The following COLGALT2 variants were observed in gnomAD, a reference collection of about 807,000 sequenced individuals.
The protein encoded by COLGALT2 is procollagen galactosyltransferase 2.
COLGALT2 carries 49 observed loss-of-function variants against 73.4 expected under a neutral mutation model. The observed-to-expected ratio is 0.67, with a 90% CI of 0.53 to 0.85. The LOEUF (loss-of-function observed/expected upper bound fraction) is 0.85, where lower values mean the gene tolerates loss of function less well. Ranked by LOEUF, COLGALT2 falls within the 40% of genes least tolerant of loss-of-function variation. The pLI is 0.00. For missense variants in COLGALT2, 722 were observed against 790.2 expected (o/e 0.91, Z 1.03); for synonymous variants, 295 against 307.6 (o/e 0.96, Z 0.43).
intron 5 of COLGALT2, among the ~76,000 whole-genome samples, chr1:183,967,777 C>T (rs1670921037): frequency 6.6e-6 from 1 of 152,192 alleles, no homozygotes; most frequent in African/African-American, 2.4e-5. Flanking sequence ...GCTTCCCATC[C>T]TGGGGAAGTC....
chr1:183,987,996 A>G lies in COLGALT2; in HGVS notation c.264-9476T>C, dbSNP rs1558327060. Among the ~76,000 whole-genome samples the G allele has an allele frequency of 2.0e-5, 3 of 152,180 alleles. No homozygotes were observed. In the South Asian group the frequency reaches 6.2e-4, roughly 31 times the overall value. ...TGGAAATCAACATAAAAAACACATT[A>G]TTTCATCTCTTAATAGCCCAGGTCC... is the stretch of plus-strand genomic sequence containing the variant. On this transcript the variant is annotated intron_variant, in intron 1 of 11. Coordinates refer to ENST00000361927, the MANE Select transcript of COLGALT2 (RefSeq NM_015101.4).
intron 6 of COLGALT2, among the ~76,000 whole-genome samples, chr1:183,961,677 T>C (rs918753294): frequency 2.6e-5 from 4 of 152,244 alleles, no homozygotes; most frequent in African/African-American, 9.6e-5. Flanking sequence ...ATTCTCGCTT[T>C]GGGTTCAGTG....
chr1:184,001,068 C>T (rs1013485339), intron 1 of COLGALT2, among the ~76,000 whole-genome samples: 3 of 152,060 alleles, frequency 2.0e-5, no homozygotes, highest in African/African-American at 7.2e-5. Context: ...CTCCTGACCT[C>T]GTGATCCGTC....
intron 4 of COLGALT2, among the ~76,000 whole-genome samples, chr1:183,971,382 A>G (rs946757581): frequency 6.6e-6 from 1 of 152,352 alleles, no homozygotes. Flanking sequence ...TGTACAAAAC[A>G]AGTGAGCACA....
chr1:183,950,775 A>G (rs1419408916), intron 8 of COLGALT2, among the ~76,000 whole-genome samples: 1 of 152,192 alleles, frequency 6.6e-6, no homozygotes, highest in African/African-American at 2.4e-5. Flanking sequence ...ATCACATCCA[A>G]TGTGAGCCTT....
intron 8 of COLGALT2, among the ~76,000 whole-genome samples, chr1:183,949,509 G>A (rs1670339002): frequency 1.3e-5 from 2 of 152,126 alleles, no homozygotes; most frequent in South Asian, 4.1e-4. Context: ...ATGGTGAAGG[G>A]ACAAATGGAT....
intron 1 of COLGALT2, among the ~76,000 whole-genome samples, chr1:183,998,786 G>T (rs1268947495): frequency 6.6e-6 from 1 of 150,920 alleles, no homozygotes; most frequent in Non-Finnish European, 1.5e-5. Context: ...ATTTTTGTTA[G>T]ATTTATTCTT....
chr1:184,015,151 G>A (rs1264881437), intron 1 of COLGALT2, among the ~76,000 whole-genome samples: 1 of 151,968 alleles, frequency 6.6e-6, no homozygotes. Flanking sequence ...ATTGGTCCAC[G>A]CTAGAAGGAA....
intron 1 of COLGALT2, among the ~76,000 whole-genome samples, chr1:184,032,329 T>A (rs889802641): frequency 6.6e-6 from 1 of 152,202 alleles, no homozygotes; most frequent in Non-Finnish European, 1.5e-5. Context: ...AGGAAAAGAT[T>A]CAAAAGAAAT....
chr1:183,942,822 T>C (rs1284099475), intron 10 of COLGALT2, among the ~76,000 whole-genome samples: 1 of 152,244 alleles, frequency 6.6e-6, no homozygotes, highest in Admixed American at 6.5e-5. Context: ...TGTTCTTCCT[T>C]CTTGCATCTG....
chr1:183,995,361 T>C (rs1289597270), intron 1 of COLGALT2, among the ~76,000 whole-genome samples: 2 of 152,236 alleles, frequency 1.3e-5, no homozygotes, highest in Non-Finnish European at 2.9e-5. Flanking sequence ...AAAACACATA[T>C]AGTCATGTCT....
At chr1:183,996,320 T>C (rs1298921131) in intron 1 of COLGALT2, among the ~76,000 whole-genome samples, 1 of 152,196 alleles carries the variant, frequency 6.6e-6, no homozygotes, top group Non-Finnish European at 1.5e-5. Context: ...GCTGAAGTGA[T>C]AATGTTTAGA....
chr1:184,022,526 T>C (rs1231883378), intron 1 of COLGALT2, among the ~76,000 whole-genome samples: 1 of 152,172 alleles, frequency 6.6e-6, no homozygotes, highest in Non-Finnish European at 1.5e-5. Context: ...CTCCAAAAAA[T>C]CAATTCAGGA....
At chr1:184,031,999 C>A (rs1649529018) in intron 1 of COLGALT2, among the ~76,000 whole-genome samples, 1 of 141,654 alleles carries the variant, frequency 7.1e-6, no homozygotes, top group African/African-American at 2.6e-5. Flanking sequence ...TAGGTTCAAG[C>A]AATCCACCCA....
intron 1 of COLGALT2, among the ~76,000 whole-genome samples, chr1:184,028,839 G>C (rs1256794312): frequency 2.0e-5 from 3 of 152,190 alleles, no homozygotes; most frequent in Non-Finnish European, 2.9e-5. Context: ...GAGGGAAGGA[G>C]ATTATTTTGC....
At chr1:183,952,344 C>A (rs1264806620) in intron 7 of COLGALT2, among the ~76,000 whole-genome samples, 5 of 152,126 alleles carry the variant, frequency 3.3e-5, no homozygotes, top group African/African-American at 1.2e-4. Context: ...ATCTGGATGA[C>A]TTTGAGGAGA....
At chr1:183,949,857 A>G (rs1470882283) in intron 8 of COLGALT2, among the ~76,000 whole-genome samples, 1 of 152,204 alleles carries the variant, frequency 6.6e-6, no homozygotes, top group Non-Finnish European at 1.5e-5. Context: ...TGCATCCAGG[A>G]TATATAAAGA....
intron 1 of COLGALT2, among the ~76,000 whole-genome samples, chr1:184,007,670 G>A (rs1672121806): frequency 6.6e-6 from 1 of 152,164 alleles, no homozygotes; most frequent in Admixed American, 6.5e-5. Context: ...CCTGGGGACT[G>A]CAGCTGCTCC....
intron 6 of COLGALT2, 121 bp from the exon 7 acceptor site, chr1:183,954,959 A>G: frequency 1.4e-6 from 1 of 732,478 alleles, no homozygotes; most frequent in Non-Finnish European, 2.4e-6. Flanking sequence ...GCAGGGGACA[A>G]TGGCAGCAGT....
Sources: gnomAD v4.1 joint callset for allele counts (sites outside exome capture counted in the v4.1 genomes callset) on GRCh38, gnomAD v4.1.1 for gene constraint, MANE v1.5 for transcripts, NCBI Gene and HGNC (gene_info 2026-07-23, HGNC 2026-07-21) for gene names.